PLCB1: variants seen among roughly 807,000 people sequenced by gnomAD.
The protein encoded by PLCB1 is phospholipase C beta 1, also known as 1-phosphatidylinositol 4,5-bisphosphate phosphodiesterase beta-1.
A neutral mutation model predicts 161.8 loss-of-function variants in PLCB1; 46 were observed. The ratio of observed to expected loss-of-function variants is 0.28; its 90% confidence interval spans 0.22 to 0.36. The LOEUF is 0.36. PLCB1 is among the 10% of genes least tolerant of loss of function. The pLI is 1.00. For missense variants in PLCB1, 1,016 were observed against 1,472.5 expected, an observed-to-expected ratio of 0.69 and a Z score of 5.07; for synonymous variants, 517 against 503.7, an observed-to-expected ratio of 1.03 and a Z score of -0.35.
chr20:8,581,021 G>A (rs1337804715), intron 3 of PLCB1, among the ~76,000 whole-genome samples: 1 of 152,184 alleles, frequency 6.6e-6, no homozygotes, highest in Non-Finnish European at 1.5e-5. Flanking sequence ...TGATCAAGGA[G>A]GAGCTCAAAG....
intron 3 of PLCB1, among the ~76,000 whole-genome samples, chr20:8,448,288 G>C (rs933833896): frequency 6.6e-6 from 1 of 152,138 alleles, no homozygotes; most frequent in Non-Finnish European, 1.5e-5. Context: ...AATTGAGCAG[G>C]CTCTGGAAAC....
At chr20:8,683,198 G>T (rs1310895821) in intron 9 of PLCB1, among the ~76,000 whole-genome samples, 3 of 151,824 alleles carry the variant, frequency 2.0e-5, no homozygotes, top group Non-Finnish European at 4.4e-5. Context: ...CATGATTACA[G>T]CTTCATAAAA....
chr20:8,387,977 T>TTAAA (rs1555802978), intron 3 of PLCB1, among the ~76,000 whole-genome samples: 321 of 126,768 alleles, frequency 2.5e-3, no homozygotes, highest in African/African-American at 7.5e-3. Context: ...CCACTTTTTT[T>TTAAA]AAAAAAAAAA....
intron 31 of PLCB1, among the ~76,000 whole-genome samples, chr20:8,846,311 C>T (rs1188666221): frequency 6.6e-6 from 1 of 150,836 alleles, no homozygotes; most frequent in East Asian, 1.9e-4. Flanking sequence ...CACCTCCCAG[C>T]AGGCCCCTCC....
At chr20:8,683,076 G>T (rs1281719958) in intron 9 of PLCB1, among the ~76,000 whole-genome samples, 2 of 151,836 alleles carry the variant, frequency 1.3e-5, no homozygotes, top group Non-Finnish European at 2.9e-5. Flanking sequence ...TTATGCTATA[G>T]TTAAATATCC....
At chr20:8,420,607 CATAAG>C (rs1315688437) in intron 3 of PLCB1, among the ~76,000 whole-genome samples, 8 of 152,162 alleles carry the variant, frequency 5.3e-5, no homozygotes, top group Admixed American at 3.3e-4. Flanking sequence ...AGCTCCCACT[CATAAG>C]AGAGAACACG....
At chr20:8,592,278 T>TA (rs542972920) in intron 3 of PLCB1, among the ~76,000 whole-genome samples, 3 of 151,986 alleles carry the variant, frequency 2.0e-5, no homozygotes, top group Admixed American at 6.5e-5. Flanking sequence ...ATTAATACAG[T>TA]AAAAAAAATA....
intron 3 of PLCB1, among the ~76,000 whole-genome samples, chr20:8,564,062 A>C (rs1986241900): frequency 6.6e-6 from 1 of 152,190 alleles, no homozygotes; most frequent in African/African-American, 2.4e-5. Flanking sequence ...AAAAGAACAA[A>C]GCTGGAGACA....
rs1397323699 is a variant in PLCB1 at position 8,398,810 on chromosome 20, G to C, written c.246+27360G>C. On this transcript the variant is annotated intron_variant, in intron 3 of 31. Coordinates refer to ENST00000338037, the MANE Select transcript of PLCB1 (RefSeq NM_015192.4). ...TATTTCGTCCTTTTTTTCTCCCCTT[G>C]GTTTTTTTGAGCTCTTTATATATCA... is the stretch of plus-strand genomic sequence containing the variant. Among the ~76,000 whole-genome samples the C allele has an allele frequency of 2.0e-5, 3 of 149,662 alleles. No homozygotes were observed. In the East Asian group the frequency reaches 5.9e-4, roughly 29 times the overall value.
At chr20:8,373,344 T>C (rs1356267251) in intron 3 of PLCB1, among the ~76,000 whole-genome samples, 2 of 152,180 alleles carry the variant, frequency 1.3e-5, no homozygotes, top group Non-Finnish European at 2.9e-5. Flanking sequence ...GTGGCTTTCC[T>C]GAGACTCCAG....
chr20:8,828,859 C>T (rs759286723), intron 31 of PLCB1, among the ~76,000 whole-genome samples: 1 of 152,062 alleles, frequency 6.6e-6, no homozygotes, highest in Non-Finnish European at 1.5e-5. Flanking sequence ...TAGGGGACAC[C>T]CAGGGAATTC....
At chr20:8,480,529 A>G (rs1463605175) in intron 3 of PLCB1, among the ~76,000 whole-genome samples, 1 of 152,144 alleles carries the variant, frequency 6.6e-6, no homozygotes, top group African/African-American at 2.4e-5. Context: ...GTGTAGCCAG[A>G]TTACAGCCTT....
chr20:8,183,273 T>G lies in PLCB1; in HGVS notation c.177+32902T>G, dbSNP rs539760790. Among the ~76,000 whole-genome samples the G allele has an allele frequency of 2.6e-5, 4 of 152,318 alleles. No individual in the cohort carries two copies. The South Asian group carries it at 8.3e-4, about 32-fold the overall frequency. On this transcript the variant is annotated intron_variant, in intron 2 of 31. Coordinates refer to ENST00000338037, the MANE Select transcript of PLCB1 (RefSeq NM_015192.4). The stretch of plus-strand genomic sequence containing the variant: ...GCTTTAGCAAATATTTTAACATCAT[T>G]AAGTGGCATATGTAAAATGGAAAAA...
rs145799824 is a variant in PLCB1, at chr20:8,367,877, A to AG, written c.178-3501dup. Among the ~76,000 whole-genome samples, 13 of 152,296 alleles carry AG rather than the reference A, an allele frequency of 8.5e-5. 1 individual carries two copies. Among genetic ancestry groups the AG allele is most frequent in the Admixed American group, 3.3e-4 (5 of 15,304 alleles). The stretch of plus-strand genomic sequence containing the variant: ...AGAAAGGGATGCAGTTAAACTCCAG[A>AG]GGGGTGGCTGTGGTATGTTAATAGA... On this transcript the variant is annotated intron_variant, in intron 2 of 31. Transcript: ENST00000338037.
chr20:8,666,122 T>C (rs1989805707), intron 9 of PLCB1, among the ~76,000 whole-genome samples: 2 of 152,260 alleles, frequency 1.3e-5, no homozygotes, highest in Admixed American at 1.3e-4. Flanking sequence ...GGTTGCAAAG[T>C]TCTGATGTGT....
chr20:8,312,262 G>A (rs935916055), intron 2 of PLCB1, among the ~76,000 whole-genome samples: 11 of 152,056 alleles, frequency 7.2e-5, no homozygotes, highest in South Asian at 2.1e-4. Flanking sequence ...CTTCTCAAGC[G>A]CGCATACAAT....
chr20:8,384,919 T>G (rs1987377964), intron 3 of PLCB1, among the ~76,000 whole-genome samples: 1 of 152,194 alleles, frequency 6.6e-6, no homozygotes, highest in Admixed American at 6.5e-5. Flanking sequence ...CTGGCATCTC[T>G]GACCTCAAGG....
chr20:8,876,710 AG>A (rs967102393), intron 31 of PLCB1, among the ~76,000 whole-genome samples: 1 of 152,160 alleles, frequency 6.6e-6, no homozygotes, highest in Non-Finnish European at 1.5e-5. Flanking sequence ...GTGGTCAGCT[AG>A]GGGTGAGCTG....
intron 3 of PLCB1, among the ~76,000 whole-genome samples, chr20:8,392,228 A>G (rs1357841626): frequency 6.6e-6 from 1 of 152,096 alleles, no homozygotes; most frequent in Non-Finnish European, 1.5e-5. Context: ...CTCAAGGTTC[A>G]GTCTTTTTTG....
Sources: gnomAD v4.1 joint callset for allele counts (sites outside exome capture counted in the v4.1 genomes callset) on GRCh38, gnomAD v4.1.1 for gene constraint, MANE v1.5 for transcripts, NCBI Gene and HGNC (gene_info 2026-07-23, HGNC 2026-07-21) for gene names.